PHACTR2: variants seen among roughly 807,000 people sequenced by gnomAD.
PHACTR2 encodes phosphatase and actin regulator 2, also known as chromosome 6 open reading frame 56.
In PHACTR2, 30 loss-of-function variants were observed where a neutral mutation model predicts 76.0. That is an observed-to-expected ratio of 0.39 (90% confidence interval 0.30 to 0.54). PHACTR2 has a LOEUF of 0.54. Among genes scored for constraint, PHACTR2 ranks in the 20% least tolerant of loss-of-function variants. PHACTR2 has a pLI of 0.61. For synonymous variants in PHACTR2, 292 were observed against 292.5 expected (o/e 1.00, Z 0.02); for missense variants, 696 against 781.1 (o/e 0.89, Z 1.30).
intron 1 of PHACTR2, among the ~76,000 whole-genome samples, chr6:143,568,836 G>A (rs1775398615): frequency 6.6e-6 from 1 of 152,128 alleles, no homozygotes; most frequent in Admixed American, 6.5e-5. Context: ...AATTATCCAC[G>A]CAAGTATGGT....
At chr6:143,681,289 G>A (rs1189805360) in intron 1 of PHACTR2, among the ~76,000 whole-genome samples, 2 of 152,028 alleles carry the variant, frequency 1.3e-5, no homozygotes, top group African/African-American at 4.8e-5. Context: ...TTTGATTATA[G>A]CCATCTTAGT....
chr6:143,808,598 G>A lies in PHACTR2; in HGVS notation c.1922+1465G>A, dbSNP rs552585240. On this transcript the variant is annotated intron_variant, in intron 12 of 12. Transcript: ENST00000440869. ...ACAAGAGGATGGGTGTAGGTTGTAT[G>A]TAAATTCTACACCATTTTCTATCAG... 2.0e-4 allele frequency among the ~76,000 whole-genome samples: 31 copies of A among 152,204 alleles called. No homozygotes were observed. The South Asian group carries it at 6.2e-3, about 31-fold the overall frequency.
At chr6:143,594,762 T>C (rs570500580) in intron 1 of PHACTR2, among the ~76,000 whole-genome samples, 9 of 152,376 alleles carry the variant, frequency 5.9e-5, no homozygotes, top group Admixed American at 2.0e-4. Context: ...TTGCCGTCCA[T>C]GGATCTGGAA....
At position 143,828,527 on chromosome 6, in the gene PHACTR2, G is replaced by A. The variant is rs1426150957; in HGVS notation, c.*4838G>A. The A allele has an allele frequency of 6.6e-6, 1 of 152,168 alleles. No homozygotes were observed. Among genetic ancestry groups the A allele is most frequent in the Non-Finnish European group, 1.5e-5 (1 of 68,030 alleles). The allele number at this position is 152,168 out of a possible 1,614,324, so 9.4% of individuals were successfully genotyped here. ...TCATCCCAAATTTAAAAATCCTATT[G>A]TATATGTTGTAAAATTTCTGGCAAA... On this transcript the variant is annotated 3_prime_UTR_variant, in exon 13 of 13. Coordinates refer to ENST00000440869, the MANE Select transcript of PHACTR2 (RefSeq NM_001100164.2). The surrounding 1 kb of genome is among the most constrained non-coding windows in gnomAD (Gnocchi z 4.7).
In PHACTR2 at chr6:143,689,847, C is replaced by T. The variant is rs1275903378; in HGVS notation, c.46+11638C>T. Among the ~76,000 whole-genome samples, 1 of 152,048 alleles carries T rather than the reference C, an allele frequency of 6.6e-6. No individual in the cohort carries two copies. Among genetic ancestry groups the T allele is most frequent in the Non-Finnish European group, 1.5e-5 (1 of 68,004 alleles). ...AGCTGGGATTACAGGCACCTGCCACCACGCCCGGCTAATTTTTGTATTTTT... is the reference window on the plus strand; with the variant it reads ...AGCTGGGATTACAGGCACCTGCCACTACGCCCGGCTAATTTTTGTATTTTT... On this transcript the variant is annotated intron_variant, in intron 1 of 12. Coordinates refer to ENST00000440869, the MANE Select transcript of PHACTR2 (RefSeq NM_001100164.2). This position sits in a 1 kb window ranked among gnomAD's most constrained non-coding sequence, Gnocchi z 4.4.
At position 143,809,808 on chromosome 6, in the gene PHACTR2, T is replaced by C. The variant is rs985093091; in HGVS notation, c.1922+2675T>C. Among the ~76,000 whole-genome samples, 2 of 152,112 alleles carry C rather than the reference T, an allele frequency of 1.3e-5. No individual in the cohort carries two copies. Among genetic ancestry groups the C allele is most frequent in the Admixed American group, 6.5e-5 (1 of 15,268 alleles). ...AAACACAGCATCTAAGAAATCTTTCTATAATAATATATATCTCATTCAGCT... is the reference window on the plus strand; with the variant it reads ...AAACACAGCATCTAAGAAATCTTTCCATAATAATATATATCTCATTCAGCT... On this transcript the variant is annotated intron_variant, in intron 12 of 12. Transcript: ENST00000440869. The surrounding 1 kb of genome is among the most constrained non-coding windows in gnomAD (Gnocchi z 4.2).
rs541557921 is a variant in PHACTR2, at chr6:143,783,574, G to A, written c.1707+294G>A. Among the ~76,000 whole-genome samples, 7 of 152,192 alleles carry A rather than the reference G, an allele frequency of 4.6e-5. No individual in the cohort carries two copies. The highest frequency in any genetic ancestry group is 9.6e-5 in the African/African-American group (4 of 41,516). ...GCAGAGGTTGCTGTGACCTGATATCGTGCCACTGCACTCCAGGCTGGGAGA... is the reference window on the plus strand; with the variant it reads ...GCAGAGGTTGCTGTGACCTGATATCATGCCACTGCACTCCAGGCTGGGAGA... On this transcript the variant is annotated intron_variant, in intron 10 of 12. Coordinates refer to ENST00000440869, the MANE Select transcript of PHACTR2 (RefSeq NM_001100164.2). The surrounding 1 kb of genome is among the most constrained non-coding windows in gnomAD (Gnocchi z 5.2).
At position 143,659,550 on chromosome 6, in the gene PHACTR2, C is replaced by G. The variant is rs769639897; in HGVS notation, c.13+51228C>G. On this transcript the variant is annotated intron_variant, in intron 1 of 11. Transcript: ENST00000305766. The surrounding 1 kb of genome is among the most constrained non-coding windows in gnomAD (Gnocchi z 5.0). ...TGCTGGCTGTGAGTGGGAGGTTGCC[C>G]TCTGTTCCTTGTCCTTTCCATGTGG... Among the ~76,000 whole-genome samples, 1 of 152,206 alleles carries G rather than the reference C, an allele frequency of 6.6e-6. No individual in the cohort carries two copies. Among genetic ancestry groups the G allele is most frequent in the Non-Finnish European group, 1.5e-5 (1 of 68,048 alleles).
In PHACTR2 at chr6:143,548,882, T is replaced by A. The variant is rs1467439487; in HGVS notation, c.217+11675T>A. The stretch of plus-strand genomic sequence containing the variant: ...GATGTTTCATTGCACCATAGGTGTT[T>A]TAGAGTTGTGGGGGAAACAAGCAAG... On this transcript the variant is annotated intron_variant, in intron 1 of 11. Coordinates refer to the PHACTR2 transcript ENST00000367584. This position sits in a 1 kb window ranked among gnomAD's most constrained non-coding sequence, Gnocchi z 4.5. 6.6e-6 allele frequency among the ~76,000 whole-genome samples: 1 copy of A among 151,894 alleles called. No homozygotes were observed.
rs1778757406 is a variant in PHACTR2, at chr6:143,733,695, A to C, written c.215-15290A>C. 2.6e-5 allele frequency among the ~76,000 whole-genome samples: 4 copies of C among 152,136 alleles called. No homozygotes were observed. The highest frequency in any genetic ancestry group is 6.5e-5 in the Admixed American group (1 of 15,272). Reference sequence around the variant, plus strand: ...CTCTCATGAATGGATAATGACCTTAAGTAACTGTGACTGCTCTGTATGGCA... The same window carrying C: ...CTCTCATGAATGGATAATGACCTTACGTAACTGTGACTGCTCTGTATGGCA... On this transcript the variant is annotated intron_variant, in intron 2 of 12. Coordinates refer to ENST00000440869, the MANE Select transcript of PHACTR2 (RefSeq NM_001100164.2). This position sits in a 1 kb window ranked among gnomAD's most constrained non-coding sequence, Gnocchi z 4.0.
chr6:143,675,299 C>T (rs977327799), upstream of PHACTR2, among the ~76,000 whole-genome samples: 6 of 152,084 alleles, frequency 3.9e-5, no homozygotes, highest in Admixed American at 3.3e-4. The surrounding 1 kb of genome is among the most constrained non-coding windows in gnomAD (Gnocchi z 4.9). Context: ...TTTAGGAAGG[C>T]TAAATAGAAG....
chr6:143,613,032 G>A (rs1776004112), intron 1 of PHACTR2, among the ~76,000 whole-genome samples: 1 of 152,120 alleles, frequency 6.6e-6, no homozygotes, highest in African/African-American at 2.4e-5. Flanking sequence ...CCGGGAGTGC[G>A]GTGGCGCAAT....
intron 5 of PHACTR2, among the ~76,000 whole-genome samples, chr6:143,762,288 A>T (rs1364902167): frequency 6.6e-6 from 1 of 152,156 alleles, no homozygotes; most frequent in African/African-American, 2.4e-5. Flanking sequence ...GACTCTCTTT[A>T]CTTCCCTCAG....
At position 143,648,708 on chromosome 6, in the gene PHACTR2, CT is replaced by C. The variant is rs1246078390; in HGVS notation, c.13+40387del. Among the ~76,000 whole-genome samples, 1 of 152,108 alleles carries C rather than the reference CT, an allele frequency of 6.6e-6. No homozygotes were observed. The highest frequency in any genetic ancestry group is 1.5e-5 in the Non-Finnish European group (1 of 68,012). ...GTGTAATTCAGACAGGCAGACTACT[CT>C]GTCTGCATTCCTACAACTGCTTCTC... On this transcript the variant is annotated intron_variant, in intron 1 of 11. Transcript: ENST00000305766. This position sits in a 1 kb window ranked among gnomAD's most constrained non-coding sequence, Gnocchi z 6.7.
chr6:143,704,791 C>T (rs1173216411), intron 1 of PHACTR2, among the ~76,000 whole-genome samples: 1 of 152,058 alleles, frequency 6.6e-6, no homozygotes, highest in Non-Finnish European at 1.5e-5. Flanking sequence ...CTGACAGTTT[C>T]TCAGACCTTC....
chr6:143,661,135 T>C (rs1159056390), intron 1 of PHACTR2, among the ~76,000 whole-genome samples: 1 of 152,126 alleles, frequency 6.6e-6, no homozygotes. Flanking sequence ...TTGCATACAA[T>C]GAAAAACTCT....
rs1776571565 is a variant in PHACTR2, at chr6:143,641,994, C to T, written c.13+33672C>T. ...TGTCCCACTCATGCATGGCCAACAG[C>T]TACATAGAGGTGAATTATATATAGC... On this transcript the variant is annotated intron_variant, in intron 1 of 11. Coordinates refer to the PHACTR2 transcript ENST00000305766. The surrounding 1 kb of genome is among the most constrained non-coding windows in gnomAD (Gnocchi z 5.8). 2.0e-5 allele frequency among the ~76,000 whole-genome samples: 3 copies of T among 152,270 alleles called. No individual in the cohort carries two copies. In the South Asian group the frequency reaches 6.2e-4, roughly 32 times the overall value.
intron 2 of PHACTR2, among the ~76,000 whole-genome samples, chr6:143,717,427 C>CT (rs1211646364): frequency 6.6e-6 from 1 of 152,166 alleles, no homozygotes; most frequent in African/African-American, 2.4e-5. Context: ...AGGGCAGAGA[C>CT]TATCACATTC....
chr6:143,537,107 C>A lies in PHACTR2; in HGVS notation c.117C>A (p.Arg39=). ...CCCCGCCGGCGGCGCCTGCCCTGCG[C>A]TGGCTTCCCGGGGACCCGAGCCCCC... Residue 39 remains arginine, a synonymous_variant, in exon 1 of 12, where the codon CGC becomes CGA. Coordinates refer to the PHACTR2 transcript ENST00000367584. The surrounding 1 kb of genome is among the most constrained non-coding windows in gnomAD (Gnocchi z 4.4). The A allele has an allele frequency of 3.5e-6, 1 of 286,252 alleles. No homozygotes were observed. Among genetic ancestry groups the A allele is most frequent in the South Asian group, 4.3e-5 (1 of 23,136 alleles). The allele number at this position is 286,252 out of a possible 1,614,324, so 17.7% of individuals were successfully genotyped here.
Sources: allele counts gnomAD v4.1 joint callset (sites outside exome capture counted in the v4.1 genomes callset), GRCh38; gene constraint gnomAD v4.1.1; non-coding constraint Gnocchi (gnomAD v3.1); transcripts MANE v1.5; gene names NCBI Gene and HGNC (gene_info 2026-07-23, HGNC 2026-07-21).